The following METTL25 variants were observed in gnomAD, a reference collection of about 807,000 sequenced individuals.
METTL25 encodes methyltransferase like 25.
METTL25 carries 64 observed loss-of-function variants against 71.6 expected under a neutral mutation model. The ratio of observed to expected loss-of-function variants is 0.89; its 90% CI spans 0.73 to 1.10. The LOEUF (loss-of-function observed/expected upper bound fraction) is 1.10. METTL25 is among the 50% of genes least tolerant of loss of function. METTL25 has a pLI of 0.00. For synonymous variants in METTL25, 287 were observed against 250.3 expected (o/e 1.15, Z -1.38); for missense variants, 807 against 707.0 (o/e 1.14, Z -1.60).
intron 7 of METTL25, chr12:82,438,447 C>G: frequency 3.9e-6 from 1 of 257,918 alleles, no homozygotes; most frequent in Non-Finnish European, 7.3e-6. Context: ...TCTATTTGGG[C>G]ATTAGCTTAT....
chr12:82,368,387 C>A (rs1453490987), intron 1 of METTL25, among the ~76,000 whole-genome samples: 2 of 152,140 alleles, frequency 1.3e-5, no homozygotes, highest in Non-Finnish European at 2.9e-5. Context: ...CAGACACACA[C>A]CCCTGGAATT....
intron 7 of METTL25, among the ~76,000 whole-genome samples, chr12:82,436,254 G>T (rs1248983702): frequency 1.3e-5 from 2 of 151,426 alleles, no homozygotes; most frequent in Non-Finnish European, 3.0e-5. Flanking sequence ...GCAGAGCCCT[G>T]ACTTCCAACT....
chr12:82,470,782 T>G (rs1334419187), intron 9 of METTL25, among the ~76,000 whole-genome samples: 1 of 152,242 alleles, frequency 6.6e-6, no homozygotes, highest in African/African-American at 2.4e-5. Flanking sequence ...GGTGTTATTT[T>G]TCACAATTCA....
At chr12:82,373,601 G>A (rs1438157123) in intron 1 of METTL25, among the ~76,000 whole-genome samples, 1 of 152,186 alleles carries the variant, frequency 6.6e-6, no homozygotes, top group Non-Finnish European at 1.5e-5. Flanking sequence ...CAAGGGTCAG[G>A]ATAGATAGGA....
chr12:82,459,175 A>G (rs1891693948), intron 9 of METTL25, among the ~76,000 whole-genome samples: 1 of 152,210 alleles, frequency 6.6e-6, no homozygotes. Context: ...TATGGCAAAA[A>G]TGTTAGAATT....
At chr12:82,418,825 C>T (rs911389996) in intron 5 of METTL25, among the ~76,000 whole-genome samples, 6 of 152,078 alleles carry the variant, frequency 3.9e-5, no homozygotes, top group Middle Eastern at 3.2e-3. Context: ...GTGAAAGTGT[C>T]ACTGACACTT....
In METTL25 at chr12:82,434,772, A is replaced by G. The variant is rs754259366; in HGVS notation, c.1404+48A>G. The G allele has an allele frequency of 5.4e-6, 8 of 1,486,496 alleles. No homozygotes were observed. In the East Asian group the frequency reaches 1.6e-4, roughly 30 times the overall value. 92.1% of individuals were successfully genotyped at this position (1,486,496 alleles called of 1,614,324 possible). A position where few individuals can be genotyped will look rare whatever the true frequency, so the allele number is the denominator to read the frequency against. On this transcript the variant is annotated intron_variant, in intron 7 of 11. Coordinates refer to ENST00000248306, the MANE Select transcript of METTL25 (RefSeq NM_032230.3). Reference sequence around the variant, plus strand: ...GAACACGACAGTTTTTCTCTCAAGTACTCTTCATACTTGACCTGCTGATGA... The same window carrying G: ...GAACACGACAGTTTTTCTCTCAAGTGCTCTTCATACTTGACCTGCTGATGA...
chr12:82,458,439 T>G (rs74429590), intron 9 of METTL25, among the ~76,000 whole-genome samples: 2,874 of 152,122 alleles, frequency 0.019, 86 homozygotes, highest in African/African-American at 0.066. Flanking sequence ...GATTTACAAC[T>G]TACAGGAGCA....
At chr12:82,432,798 T>G (rs1889616283) in intron 6 of METTL25, among the ~76,000 whole-genome samples, 1 of 150,634 alleles carries the variant, frequency 6.6e-6, no homozygotes, top group African/African-American at 2.4e-5. Context: ...ATATATCTTA[T>G]TTTATTGCCT....
chr12:82,394,634 T>C (rs2136981759), intron 3 of METTL25, among the ~76,000 whole-genome samples: 1 of 152,116 alleles, frequency 6.6e-6, no homozygotes, highest in East Asian at 1.9e-4. Flanking sequence ...AAACAAGAAA[T>C]ATTTTTGCCC....
intron 8 of METTL25, among the ~76,000 whole-genome samples, chr12:82,441,041 T>G (rs1890282439): frequency 6.6e-6 from 1 of 151,914 alleles, no homozygotes; most frequent in South Asian, 2.1e-4. Context: ...AAAGTTCGAG[T>G]TCATGGTCTG....
intron 9 of METTL25, among the ~76,000 whole-genome samples, chr12:82,460,403 T>TA (rs754704516): frequency 3.5e-4 from 54 of 152,308 alleles, no homozygotes; most frequent in Non-Finnish European, 5.7e-4. Flanking sequence ...TCCAAGAGCA[T>TA]AGTATGTGAA....
At chr12:82,454,317 AAGCAGAGGGATTGAG>A (rs1393898393) in intron 8 of METTL25, among the ~76,000 whole-genome samples, 2 of 152,048 alleles carry the variant, frequency 1.3e-5, no homozygotes, top group African/African-American at 2.4e-5. Context: ...GGTGTTTCCA[AAGCAGAGGGATTGAG>A]AGTATAGTGT....
chr12:82,472,976 G>T (rs1487993117), intron 9 of METTL25, among the ~76,000 whole-genome samples: 2 of 152,138 alleles, frequency 1.3e-5, no homozygotes, highest in Non-Finnish European at 2.9e-5. Flanking sequence ...GTAAGTAAAG[G>T]CTTACTCATA....
At chr12:82,465,049 A>G (rs886769477) in intron 9 of METTL25, among the ~76,000 whole-genome samples, 3 of 151,944 alleles carry the variant, frequency 2.0e-5, no homozygotes, top group African/African-American at 7.2e-5. Context: ...TCATCTGGAA[A>G]GAGGGATAAT....
At chr12:82,456,615 G>C in intron 8 of METTL25, 112 bp from the exon 9 acceptor site, 1 of 588,062 alleles carries the variant, frequency 1.7e-6, no homozygotes. Context: ...GATCACATTT[G>C]GATCTTGTGC....
chr12:82,408,023 A>G, intron 5 of METTL25: 1 of 900,916 alleles, frequency 1.1e-6, no homozygotes, highest in Non-Finnish European at 1.3e-6. Context: ...CGAATTTGAC[A>G]CTTTTAGTGT....
At chr12:82,401,364 TA>T (rs1028040038) in intron 4 of METTL25, among the ~76,000 whole-genome samples, 19 of 152,176 alleles carry the variant, frequency 1.2e-4, no homozygotes, top group East Asian at 1.9e-4. Context: ...ATTACAATGA[TA>T]AAAAAATGGA....
At chr12:82,432,388 G>A (rs1889576559) in intron 6 of METTL25, among the ~76,000 whole-genome samples, 1 of 151,118 alleles carries the variant, frequency 6.6e-6, no homozygotes, top group South Asian at 2.1e-4. Flanking sequence ...CTTCTTCTTG[G>A]GATAACTTGA....
Sources: allele counts gnomAD v4.1 joint callset (sites outside exome capture counted in the v4.1 genomes callset), GRCh38; gene constraint gnomAD v4.1.1; transcripts MANE v1.5; gene names NCBI Gene and HGNC (gene_info 2026-07-23, HGNC 2026-07-21).